The following CSMD1 variants were observed in gnomAD, a reference collection of about 807,000 sequenced individuals.
CSMD1 encodes CUB and sushi domain-containing protein 1.
CSMD1 carries 213 observed loss-of-function variants against 417.5 expected under a neutral mutation model. That is an observed-to-expected ratio of 0.51 (90% CI 0.46 to 0.57). CSMD1 has a LOEUF of 0.57. Ranked by LOEUF, CSMD1 falls within the 20% of genes least tolerant of loss-of-function variation. The pLI is 0.00. For missense variants in CSMD1, 6,923 were observed against 4,529.7 expected (o/e 1.53, Z -15.17); for synonymous variants, 2,862 against 1,736.8 (o/e 1.65, Z -16.11).
chr8:4,428,219 C>A (rs1355487453), intron 2 of CSMD1, among the ~76,000 whole-genome samples: 2 of 152,122 alleles, frequency 1.3e-5, no homozygotes, highest in East Asian at 1.9e-4. Context: ...TCCACTGAAC[C>A]ACACATTCTA....
At chr8:4,510,110 G>C (rs1416862834) in intron 2 of CSMD1, among the ~76,000 whole-genome samples, 1 of 151,964 alleles carries the variant, frequency 6.6e-6, no homozygotes, top group Non-Finnish European at 1.5e-5. Context: ...AGATCTGATG[G>C]TTGTATAAAG....
chr8:4,528,719 T>C (rs1420259704), intron 2 of CSMD1, among the ~76,000 whole-genome samples: 1 of 152,140 alleles, frequency 6.6e-6, no homozygotes, highest in Admixed American at 6.5e-5. Context: ...CAGCTTTTTG[T>C]AGGTCAAAAA....
At chr8:3,933,992 T>C (rs915042981) in intron 5 of CSMD1, among the ~76,000 whole-genome samples, 7 of 152,122 alleles carry the variant, frequency 4.6e-5, no homozygotes, top group Admixed American at 3.9e-4. Context: ...GGCAAACCCA[T>C]GGCAAATATT....
At chr8:3,947,628 C>G in intron 5 of CSMD1, among the ~76,000 whole-genome samples, 1 of 150,430 alleles carries the variant, frequency 6.6e-6, no homozygotes, top group African/African-American at 2.4e-5. Context: ...GAGGAGCTTT[C>G]CCACATATTC....
chr8:4,267,671 G>A (rs1198268564), intron 3 of CSMD1, among the ~76,000 whole-genome samples: 1 of 151,930 alleles, frequency 6.6e-6, no homozygotes, highest in Admixed American at 6.6e-5. Context: ...TTTAGGCTTT[G>A]GCTTCACTCC....
At chr8:3,591,117 G>A (rs529687204) in intron 8 of CSMD1, among the ~76,000 whole-genome samples, 1 of 152,134 alleles carries the variant, frequency 6.6e-6, no homozygotes, top group Non-Finnish European at 1.5e-5. Context: ...ACAATTGTTA[G>A]TAGTTAGTAA....
intron 3 of CSMD1, among the ~76,000 whole-genome samples, chr8:4,141,282 G>C (rs1803774173): frequency 6.6e-6 from 1 of 151,162 alleles, no homozygotes; most frequent in South Asian, 2.1e-4. Flanking sequence ...CCTTCAGGTA[G>C]TGAAAAATCC....
intron 2 of CSMD1, among the ~76,000 whole-genome samples, chr8:4,445,481 A>G (rs949106098): frequency 6.6e-6 from 1 of 152,170 alleles, no homozygotes; most frequent in African/African-American, 2.4e-5. Context: ...AGAAAGTCAA[A>G]GTCTTTGCTT....
At chr8:4,013,679 C>G (rs757966275) in intron 4 of CSMD1, among the ~76,000 whole-genome samples, 7 of 152,172 alleles carry the variant, frequency 4.6e-5, no homozygotes, top group Non-Finnish European at 7.3e-5. Context: ...GATTGGAATT[C>G]TTTCTTGTTT....
intron 1 of CSMD1, among the ~76,000 whole-genome samples, chr8:4,721,107 C>T (rs1028856274): frequency 6.6e-6 from 1 of 152,120 alleles, no homozygotes. Context: ...ATGAAAAAGG[C>T]TTTGGAAACT....
chr8:4,556,738 T>G (rs905353711), intron 2 of CSMD1, among the ~76,000 whole-genome samples: 1 of 152,164 alleles, frequency 6.6e-6, no homozygotes, highest in African/African-American at 2.4e-5. Flanking sequence ...AAGATGAGCA[T>G]CGCAAAGTCG....
At chr8:4,287,515 C>G (rs772629425) in intron 3 of CSMD1, among the ~76,000 whole-genome samples, 57 of 152,116 alleles carry the variant, frequency 3.7e-4, no homozygotes, top group Non-Finnish European at 7.3e-4. Flanking sequence ...ATTTACACCA[C>G]ACATGTTGCA....
intron 3 of CSMD1, among the ~76,000 whole-genome samples, chr8:4,249,525 C>G (rs1254006340): frequency 6.6e-6 from 1 of 152,184 alleles, no homozygotes; most frequent in Non-Finnish European, 1.5e-5. Flanking sequence ...CCTCTACTGA[C>G]GTGCACTGTG....
intron 5 of CSMD1, among the ~76,000 whole-genome samples, chr8:3,918,241 G>T (rs1410569781): frequency 6.6e-6 from 1 of 151,954 alleles, no homozygotes; most frequent in Admixed American, 6.6e-5. Context: ...TCATATGGTA[G>T]GTTTTGTTGT....
intron 2 of CSMD1, among the ~76,000 whole-genome samples, chr8:4,451,454 T>G (rs1799140667): frequency 6.6e-6 from 1 of 152,180 alleles, no homozygotes; most frequent in South Asian, 2.1e-4. Context: ...CTTATCACTC[T>G]CATCAAGTCC....
At chr8:3,323,597 T>A (rs155330) in intron 23 of CSMD1, among the ~76,000 whole-genome samples, 44,496 of 151,008 alleles carry the variant, frequency 0.29, 7,545 homozygotes, top group South Asian at 0.47. Flanking sequence ...TTTAAAAAAA[T>A]TTTATAGCAT....
At chr8:3,801,170 A>T (rs992225301) in intron 5 of CSMD1, among the ~76,000 whole-genome samples, 2 of 152,160 alleles carry the variant, frequency 1.3e-5, no homozygotes, top group African/African-American at 2.4e-5. Context: ...CCAAGAAAAG[A>T]TAGTCCACAT....
rs1313085198 is a variant in CSMD1 at position 3,504,327 on chromosome 8, C to T, written c.1345-10601G>A. Among the ~76,000 whole-genome samples the T allele has an allele frequency of 2.6e-5, 4 of 152,230 alleles. 1 individual carries two copies. The highest frequency in any genetic ancestry group is 6.8e-3 in the Middle Eastern group (2 of 294). On this transcript the variant is annotated intron_variant, in intron 10 of 69. Coordinates refer to ENST00000635120, the MANE Select transcript of CSMD1 (RefSeq NM_033225.6). Reference sequence around the variant, plus strand: ...AGTCTGGGCTTTGCTGCTTACTCAACGAGAGTCTTGAAAGAATTGTTTAAC... The same window carrying T: ...AGTCTGGGCTTTGCTGCTTACTCAATGAGAGTCTTGAAAGAATTGTTTAAC...
intron 3 of CSMD1, among the ~76,000 whole-genome samples, chr8:4,111,526 C>A (rs918643593): frequency 6.6e-6 from 1 of 152,116 alleles, no homozygotes; most frequent in Non-Finnish European, 1.5e-5. Flanking sequence ...ACCCAAACGC[C>A]CATCACTGAT....
Sources: allele counts gnomAD v4.1 joint callset (sites outside exome capture counted in the v4.1 genomes callset), GRCh38; gene constraint gnomAD v4.1.1; transcripts MANE v1.5; gene names NCBI Gene and HGNC (gene_info 2026-07-23, HGNC 2026-07-21).